RAG2: variants seen among roughly 807,000 people sequenced by gnomAD.
RAG2 encodes the protein V(D)J recombination-activating protein 2.
RAG2 carries 16 observed loss-of-function variants against 31.8 expected under a neutral mutation model. The observed-to-expected ratio is 0.50, with a 90% confidence interval of 0.34 to 0.76. The LOEUF (loss-of-function observed/expected upper bound fraction) is 0.76, where lower values mean the gene tolerates loss of function less well. RAG2 is among the 30% of genes least tolerant of loss of function. The probability of loss-of-function intolerance (pLI) is 0.01; values close to 1 mark genes in which losing one functional copy is unlikely to be tolerated. For missense variants in RAG2, 622 were observed against 628.5 expected (o/e 0.99, Z 0.11); for synonymous variants, 199 against 215.9 (o/e 0.92, Z 0.68).
Position 36,593,769 on chromosome 11 carries a change from G to C in RAG2, c.400C>G (p.Pro134Ala). 1.2e-6 allele frequency: 2 copies of C among 1,614,120 alleles called. No homozygotes were observed. The highest frequency in any genetic ancestry group is 1.7e-6 in the Non-Finnish European group (2 of 1,180,016). The change falls in exon 2 of 2, where the codon CCT (proline) becomes GCT (alanine). Residue 134 changes from proline to alanine, a missense_variant. Transcript: ENST00000311485. ...ATGGAATGACCATATCTGGCTTCAG[G>C]AACATCTCCTACCAAGTCTTTCTCT... ...CTEKDLVGDV[P>A]EARYGHSINV...
chr11:36,593,939 G>A lies in RAG2; in HGVS notation c.230C>T (p.Thr77Ile). ...CTCCAAGCTGCCTTTGAATGTGCAAGTGGCTGGGTAGCGAAGAGGAGGGAG... is the reference window on the plus strand; with the variant it reads ...CTCCAAGCTGCCTTTGAATGTGCAAATGGCTGGGTAGCGAAGAGGAGGGAG... ...CYLPPLRYPATCTFKGSLESE... is the reference protein window; with the variant it reads ...CYLPPLRYPAICTFKGSLESE... The change falls in exon 2 of 2, where the codon ACT becomes ATT. Residue 77 changes from threonine to isoleucine, a missense_variant. Coordinates refer to ENST00000311485, the MANE Select transcript of RAG2 (RefSeq NM_000536.4). The A allele has an allele frequency of 6.2e-7, 1 of 1,614,222 alleles. No homozygotes were observed. The highest frequency in any genetic ancestry group is 8.5e-7 in the Non-Finnish European group (1 of 1,180,024).
rs1851034284 is a variant in RAG2, at chr11:36,592,345, C to T, written c.*240G>A. 1 of 518,892 alleles carries T rather than the reference C, an allele frequency of 1.9e-6. No homozygotes were observed. The highest frequency in any genetic ancestry group is 1.9e-5 in the African/African-American group (1 of 52,334). 32.1% of individuals were successfully genotyped at this position (518,892 alleles called of 1,614,324 possible). A position where few individuals can be genotyped will look rare whatever the true frequency, so the allele number is the denominator to read the frequency against. ...AATAAAAAATCAGATCAGAAATCCTCAGTGAAGAATAAATTAGTAAATTGA... is the reference window on the plus strand; with the variant it reads ...AATAAAAAATCAGATCAGAAATCCTTAGTGAAGAATAAATTAGTAAATTGA... On this transcript the variant is annotated 3_prime_UTR_variant, in exon 2 of 2. Coordinates refer to ENST00000311485, the MANE Select transcript of RAG2 (RefSeq NM_000536.4).
rs148508754 is a variant in RAG2, at chr11:36,594,065, C to G, written c.104G>C (p.Gly35Ala). Reference sequence around the variant, plus strand: ...AGTGGGGCAGGATCTTTTGGGCCAGCCTTTTTGTCCAAAGAAGAAAACTTG... The same window carrying G: ...AGTGGGGCAGGATCTTTTGGGCCAGGCTTTTTGTCCAAAGAAGAAAACTTG... The part of the protein sequence containing the change: ...DGQVFFFGQK[G>A]WPKRSCPTGV... Residue 35 changes from glycine to alanine, a missense_variant, in exon 2 of 2, where the codon GGC (glycine) becomes GCC (alanine). Gly to Ala is a moderately conservative substitution (Grantham distance 60). Transcript: ENST00000311485. 29 of 1,613,912 alleles carry G rather than the reference C, an allele frequency of 1.8e-5. No individual in the cohort carries two copies. Among genetic ancestry groups the G allele is most frequent in the East Asian group, 2.2e-5 (1 of 44,888 alleles).
At chr11:36,597,132 G>A (rs1851301267) in intron 1 of RAG2, among the ~76,000 whole-genome samples, 1 of 152,184 alleles carries the variant, frequency 6.6e-6, no homozygotes, top group Non-Finnish European at 1.5e-5. Flanking sequence ...ACCAGATGAT[G>A]TATGCATTTA....
chr11:36,593,261 T>C lies in RAG2; in HGVS notation c.908A>G (p.Glu303Gly), dbSNP rs757524729. Residue 303 changes from glutamate (E) to glycine (G), a missense_variant, in exon 2 of 2, where the codon GAG becomes GGG. By Grantham distance (98) the Glu-to-Gly change is moderately conservative. Coordinates refer to ENST00000311485, the MANE Select transcript of RAG2 (RefSeq NM_000536.4). ...EDNKIEIREM[E>G]TPDWTPDIKH... ...AATGTCTGGGGTCCAATCTGGGGTC[T>C]CCATCTCACGAATTTCTATCTTGTT... 7 of 1,614,074 alleles carry C rather than the reference T, an allele frequency of 4.3e-6. No individual in the cohort carries two copies. The highest frequency in any genetic ancestry group is 1.3e-5 in the African/African-American group (1 of 74,928).
chr11:36,591,598 TACACACAC>T (rs3084298), downstream of RAG2, among the ~76,000 whole-genome samples: 136 of 149,012 alleles, frequency 9.1e-4, 1 homozygote, highest in African/African-American at 3.1e-3. Flanking sequence ...ACATGTTAAC[TACACACAC>T]ACACACACAC....
In RAG2 at chr11:36,592,536, A is replaced by C; in HGVS notation, c.*49T>G. The C allele has an allele frequency of 6.3e-7, 1 of 1,596,174 alleles. No homozygotes were observed. Reference sequence around the variant, plus strand: ...TTAAAATCAATGTTATGATTTTAAAAATAGATTCAAAAATTCCATACACCT... The same window carrying C: ...TTAAAATCAATGTTATGATTTTAAACATAGATTCAAAAATTCCATACACCT... On this transcript the variant is annotated 3_prime_UTR_variant, in exon 2 of 2. Coordinates refer to ENST00000311485, the MANE Select transcript of RAG2 (RefSeq NM_000536.4).
At chr11:36,597,010 A>G (rs967509691) in intron 1 of RAG2, among the ~76,000 whole-genome samples, 3 of 152,176 alleles carry the variant, frequency 2.0e-5, no homozygotes, top group Non-Finnish European at 4.4e-5. Context: ...GGCTCATTTC[A>G]TAATTTCAAG....
rs753715989 is a variant in RAG2 at position 36,594,236 on chromosome 11, A to G, written c.-27-41T>C. On this transcript the variant is annotated intron_variant, in intron 1 of 1. Coordinates refer to ENST00000311485, the MANE Select transcript of RAG2 (RefSeq NM_000536.4). ...AATAAAATGACTTAGAGATCGCTTC[A>G]TATAATCATCGTATTTAGATTCCTT... 4 of 1,254,616 alleles carry G rather than the reference A, an allele frequency of 3.2e-6. No homozygotes were observed. In the African/African-American group the frequency reaches 5.9e-5, roughly 19 times the overall value. The allele number at this position is 1,254,616 out of a possible 1,614,324, so 77.7% of individuals were successfully genotyped here.
Position 36,594,100 on chromosome 11 carries a change from A to C in RAG2, c.69T>G (p.Asn23Lys). Residue 23 changes from asparagine (N) to lysine (K), a missense_variant, in exon 2 of 2, where the codon AAT becomes AAG. By Grantham distance (94) the Asn-to-Lys change is moderately conservative. Transcript: ENST00000311485. ...ALIQPGFSLM[N>K]FDGQVFFFGQ... ...CAAAGAAGAAAACTTGTCCATCAAAATTCATCAGTGAGAAGCCTGGCTGAA... is the reference window on the plus strand; with the variant it reads ...CAAAGAAGAAAACTTGTCCATCAAACTTCATCAGTGAGAAGCCTGGCTGAA... 1 of 1,614,090 alleles carries C rather than the reference A, an allele frequency of 6.2e-7. No homozygotes were observed. The highest frequency in any genetic ancestry group is 1.1e-5 in the South Asian group (1 of 91,058).
intron 1 of RAG2, among the ~76,000 whole-genome samples, chr11:36,596,390 A>G (rs1050814160): frequency 1.3e-5 from 2 of 152,140 alleles, no homozygotes; most frequent in African/African-American, 4.8e-5. Context: ...GGTGTCTCAG[A>G]AGGATTATTA....
intron 1 of RAG2, chr11:36,594,980 C>G (rs1017643854): frequency 2.0e-5 from 3 of 152,144 alleles, no homozygotes; most frequent in Non-Finnish European, 2.9e-5. Flanking sequence ...CTTACAGAAC[C>G]GAAAGATGGA....
rs1185982881 is a variant in RAG2, at chr11:36,592,485, C to T, written c.*100G>A. 3.5e-6 allele frequency: 5 copies of T among 1,421,702 alleles called. No individual in the cohort carries two copies. The highest frequency in any genetic ancestry group is 2.9e-6 in the Non-Finnish European group (3 of 1,052,506). 88.1% of individuals were successfully genotyped at this position (1,421,702 alleles called of 1,614,324 possible). Reference sequence around the variant, plus strand: ...TCATGTAACTAAAAGAAAACATAGGCATTTTAAATAAACAAAAATGTATTT... The same window carrying T: ...TCATGTAACTAAAAGAAAACATAGGTATTTTAAATAAACAAAAATGTATTT... On this transcript the variant is annotated 3_prime_UTR_variant, in exon 2 of 2. Coordinates refer to ENST00000311485, the MANE Select transcript of RAG2 (RefSeq NM_000536.4).
At position 36,593,855 on chromosome 11, in the gene RAG2, T is replaced by A; in HGVS notation, c.314A>T (p.Asp105Val). Residue 105 changes from aspartate (D) to valine (V), a missense_variant, in exon 2 of 2, where the codon GAT becomes GTT. Physicochemically the swap from Asp to Val is radical, Grantham distance 152. Coordinates refer to ENST00000311485, the MANE Select transcript of RAG2 (RefSeq NM_000536.4). ...GGKTPNNEVSDKIYVMSIVCK... is the reference protein window; with the variant it reads ...GGKTPNNEVSVKIYVMSIVCK... The stretch of plus-strand genomic sequence containing the variant: ...AACAATAGACATGACATAAATCTTA[T>A]CTGAAACCTCATTGTTTGGTGTTTT... 1 of 1,614,248 alleles carries A rather than the reference T, an allele frequency of 6.2e-7. No individual in the cohort carries two copies. Among genetic ancestry groups the A allele is most frequent in the South Asian group, 1.1e-5 (1 of 91,082 alleles).
chr11:36,596,333 G>T lies in RAG2; in HGVS notation c.-28+1769C>A, dbSNP rs73455540. On this transcript the variant is annotated intron_variant, in intron 1 of 1. Transcript: ENST00000311485. ...CTACTTGGGAGACTCGTAAGGGGGT[G>T]ATCTTTCAACAATTATCTGGTGGGT... 9.3e-3 allele frequency among the ~76,000 whole-genome samples: 1,414 copies of T among 151,336 alleles called. 20 individuals are homozygous for T. The highest frequency in any genetic ancestry group is 0.033 in the African/African-American group (1,346 of 41,174).
In RAG2 at chr11:36,592,520, A is replaced by G. The variant is rs961789477; in HGVS notation, c.*65T>C. ...AAACAAAAATGTATTTTTAAAATCA[A>G]TGTTATGATTTTAAAAATAGATTCA... On this transcript the variant is annotated 3_prime_UTR_variant, in exon 2 of 2. Transcript: ENST00000311485. The G allele has an allele frequency of 4.5e-6, 7 of 1,566,050 alleles. No individual in the cohort carries two copies. In the African/African-American group the frequency reaches 5.5e-5, roughly 12 times the overall value.
chr11:36,592,505 G>T lies in RAG2; in HGVS notation c.*80C>A, dbSNP rs998363347. Reference sequence around the variant, plus strand: ...ATAGGCATTTTAAATAAACAAAAATGTATTTTTAAAATCAATGTTATGATT... The same window carrying T: ...ATAGGCATTTTAAATAAACAAAAATTTATTTTTAAAATCAATGTTATGATT... On this transcript the variant is annotated 3_prime_UTR_variant, in exon 2 of 2. Coordinates refer to ENST00000311485, the MANE Select transcript of RAG2 (RefSeq NM_000536.4). The T allele has an allele frequency of 4.6e-6, 7 of 1,511,150 alleles. No homozygotes were observed. The African/African-American group carries it at 7.1e-5, about 15-fold the overall frequency. 93.6% of individuals were successfully genotyped at this position (1,511,150 alleles called of 1,614,324 possible).
In RAG2 at chr11:36,593,297, G is replaced by A. The variant is rs112927992; in HGVS notation, c.872C>T (p.Ser291Phe). Residue 291 changes from serine (S) to phenylalanine (F), a missense_variant, in exon 2 of 2, where the codon TCT becomes TTT. Physicochemically the swap from Ser to Phe is radical, Grantham distance 155. Transcript: ENST00000311485. ...AATTTCTATCTTGTTGTCCTCTAAA[G>A]AGATGATGTTGCAGATCATTCTTTT... ...NQKRMICNII[S>F]LEDNKIEIRE... 1 of 1,614,126 alleles carries A rather than the reference G, an allele frequency of 6.2e-7. No individual in the cohort carries two copies.
At position 36,592,474 on chromosome 11, in the gene RAG2, GA is replaced by G. The variant is rs1423150009; in HGVS notation, c.*110del. 13 of 1,372,020 alleles carry G rather than the reference GA, an allele frequency of 9.5e-6. No individual in the cohort carries two copies. Among genetic ancestry groups the G allele is most frequent in the Non-Finnish European group, 1.3e-5 (13 of 1,015,762 alleles). 85.0% of individuals were successfully genotyped at this position (1,372,020 alleles called of 1,614,324 possible). On this transcript the variant is annotated 3_prime_UTR_variant, in exon 2 of 2. Coordinates refer to ENST00000311485, the MANE Select transcript of RAG2 (RefSeq NM_000536.4). Reference sequence around the variant, plus strand: ...TGGCCCTTAATTCATGTAACTAAAAGAAAACATAGGCATTTTAAATAAACAA... The same window carrying G: ...TGGCCCTTAATTCATGTAACTAAAAGAAACATAGGCATTTTAAATAAACAA...
Sources: allele counts gnomAD v4.1 joint callset (sites outside exome capture counted in the v4.1 genomes callset), GRCh38; gene constraint gnomAD v4.1.1; transcripts MANE v1.5; gene names NCBI Gene and HGNC (gene_info 2026-07-23, HGNC 2026-07-21).